The following NPC1 variants were observed in gnomAD, a reference collection of about 807,000 sequenced individuals.
NPC1 encodes NPC intracellular cholesterol transporter 1.
Under a neutral mutation model 140.4 loss-of-function variants are expected in NPC1, and 85 were observed. That is an observed-to-expected ratio of 0.61 (90% confidence interval 0.51 to 0.72). The LOEUF (loss-of-function observed/expected upper bound fraction) is 0.72, where lower values mean the gene tolerates loss of function less well. Ranked by LOEUF, NPC1 falls within the 30% of genes least tolerant of loss-of-function variation. The pLI is 0.00. For synonymous variants in NPC1, 656 were observed against 624.8 expected, an observed-to-expected ratio of 1.05 and a Z score of -0.74; for missense variants, 1,504 against 1,623.8, an observed-to-expected ratio of 0.93 and a Z score of 1.27.
chr18:23,529,375 TGTGATTAGAGTCACTTGAA>T (rs1343087279), downstream of NPC1: 6 of 1,532,948 alleles, frequency 3.9e-6, no homozygotes, highest in African/African-American at 2.7e-5. Context: ...GGAGACTTCA[TGTGATTAGAGTCACTTGAA>T]GTGATTAGAA....
chr18:23,574,349 T>C (rs1436885383), intron 1 of NPC1, among the ~76,000 whole-genome samples: 1 of 152,002 alleles, frequency 6.6e-6, no homozygotes, highest in Non-Finnish European at 1.5e-5. Context: ...AGGGCCCAGC[T>C]TGCCAGGGCC....
At position 23,571,653 on chromosome 18, in the gene NPC1, CAAA is replaced by C. The variant is rs10618426; in HGVS notation, c.287+418_287+420del. ...TCGGTGACAGAGCAAGAGTCTGTCT[CAAA>C]AAAAAAAAAAAATAAAGAAAAACAT... On this transcript the variant is annotated intron_variant, in intron 3 of 24. Transcript: ENST00000269228. Among the ~76,000 whole-genome samples the C allele has an allele frequency of 9.1e-3, 1,289 of 141,410 alleles. 17 individuals are homozygous for C. Among genetic ancestry groups the C allele is most frequent in the African/African-American group, 0.03 (1,175 of 38,870 alleles). 92.8% of individuals were successfully genotyped at this position (141,410 alleles called of 152,430 possible). A position where few individuals can be genotyped will look rare whatever the true frequency, so the allele number is the denominator to read the frequency against.
At chr18:23,534,749 TAC>T (rs1392136664) in intron 22 of NPC1, among the ~76,000 whole-genome samples, 190 bp from the exon 23 acceptor site, 1 of 152,152 alleles carries the variant, frequency 6.6e-6, no homozygotes, top group Non-Finnish European at 1.5e-5. Context: ...GGGCCCTCTC[TAC>T]ACACAGCCAA....
At chr18:23,516,211 A>G in intron 3 of NPC1, 1 of 1,402,098 alleles carries the variant, frequency 7.1e-7, no homozygotes, top group Non-Finnish European at 1.0e-6. Context: ...GACGGTGGAA[A>G]GGATCCAAAG....
intron 3 of NPC1, chr18:23,506,888 G>A (rs1027971311): frequency 2.1e-6 from 2 of 973,966 alleles, no homozygotes; most frequent in African/African-American, 3.3e-5. Flanking sequence ...CCTGAATATA[G>A]ATTGTGTCTT....
At chr18:23,569,629 G>A (rs1040877213) in intron 3 of NPC1, among the ~76,000 whole-genome samples, 1 of 152,158 alleles carries the variant, frequency 6.6e-6, no homozygotes. Flanking sequence ...TGACAGTTTT[G>A]ATTAAGAAGA....
chr18:23,541,317 T>C lies in NPC1; in HGVS notation c.2362A>G (p.Lys788Glu), dbSNP rs1212293586. The C allele has an allele frequency of 6.2e-7, 1 of 1,614,108 alleles. No homozygotes were observed. The highest frequency in any genetic ancestry group is 8.5e-7 in the Non-Finnish European group (1 of 1,180,048). ...CFVSLLGLDI[K>E]RQEKNRLDIF... ...TGGCACCAACTTACCTCTTGACGTT[T>C]AATGTCTAACCCCAAGAGACTCACG... Residue 788 changes from lysine to glutamate, a missense_variant, in exon 15 of 25, where the codon AAA becomes GAA. Transcript: ENST00000269228.
Position 23,531,890 on chromosome 18 carries a change from TAC to T in NPC1, c.*310_*311del. Reference sequence around the variant, plus strand: ...GACAGACAGTGCATTGATTGGCCTTTACAGAGTGTCAGTGAGCGGATCACATT... The same window carrying T: ...GACAGACAGTGCATTGATTGGCCTTTAGAGTGTCAGTGAGCGGATCACATT... On this transcript the variant is annotated 3_prime_UTR_variant, in exon 25 of 25. Transcript: ENST00000269228. 1 of 1,421,376 alleles carries T rather than the reference TAC, an allele frequency of 7.0e-7. No homozygotes were observed. The highest frequency in any genetic ancestry group is 9.2e-7 in the Non-Finnish European group (1 of 1,086,784). 88.0% of individuals were successfully genotyped at this position (1,421,376 alleles called of 1,614,324 possible).
At chr18:23,582,727 C>G (rs1319041506) in intron 1 of NPC1, among the ~76,000 whole-genome samples, 1 of 151,600 alleles carries the variant, frequency 6.6e-6, no homozygotes, top group African/African-American at 2.4e-5. Flanking sequence ...ATCACCTGAG[C>G]CCGGGAGGTC....
intron 1 of NPC1, among the ~76,000 whole-genome samples, chr18:23,523,125 C>T (rs373069657): frequency 5.3e-5 from 8 of 152,156 alleles, no homozygotes; most frequent in Admixed American, 1.3e-4. Context: ...GTCCAAAGCG[C>T]GAGTGCTCTT....
At chr18:23,535,836 A>G (rs2058621746) in intron 21 of NPC1, 136 bp from the exon 22 acceptor site, 2 of 714,180 alleles carry the variant, frequency 2.8e-6, no homozygotes, top group Non-Finnish European at 5.1e-6. Flanking sequence ...GCTGTCTACA[A>G]GACTCACCGA....
intron 13 of NPC1, 53 bp from the exon 14 acceptor site, chr18:23,543,622 G>T: frequency 9.9e-7 from 1 of 1,011,640 alleles, no homozygotes; most frequent in Non-Finnish European, 1.5e-6. Flanking sequence ...CAATAACAAC[G>T]CCATTTCTTG....
chr18:23,541,062 G>T lies in NPC1; in HGVS notation c.2514+6C>A. On this transcript the variant is annotated splice_donor_region_variant and intron_variant, in intron 16 of 24. Coordinates refer to ENST00000269228, the MANE Select transcript of NPC1 (RefSeq NM_000271.5). ...GGAAAGAGAAAAACCACAGATAAGC[G>T]CATACCACAATTGGTCTCATCCAGT... 1 of 1,613,976 alleles carries T rather than the reference G, an allele frequency of 6.2e-7. No homozygotes were observed. The highest frequency in any genetic ancestry group is 8.5e-7 in the Non-Finnish European group (1 of 1,179,952).
chr18:23,522,404 C>T (rs1289388472), exon 2 of NPC1: 1 of 152,232 alleles, frequency 6.6e-6, no homozygotes, highest in African/African-American at 2.4e-5. Context: ...CTGTGGGCCA[C>T]ATGTGGCCCA....
At chr18:23,541,948 C>G (rs894176572) in intron 14 of NPC1, among the ~76,000 whole-genome samples, 3 of 152,154 alleles carry the variant, frequency 2.0e-5, no homozygotes, top group African/African-American at 7.2e-5. Context: ...CTGTATCAAC[C>G]CATCTTAAGA....
At chr18:23,561,202 G>A (rs2059033365) in intron 5 of NPC1, among the ~76,000 whole-genome samples, 158 bp downstream of exon 5, 1 of 152,112 alleles carries the variant, frequency 6.6e-6, no homozygotes, top group African/African-American at 2.4e-5. Flanking sequence ...CATAGAGATG[G>A]GGCCTCACTA....
At chr18:23,547,650 G>A (rs990004102) in intron 11 of NPC1, among the ~76,000 whole-genome samples, 1 of 152,108 alleles carries the variant, frequency 6.6e-6, no homozygotes, top group African/African-American at 2.4e-5. Flanking sequence ...GCTGAGGTGG[G>A]AGGATCACTT....
chr18:23,526,788 GCT>G (rs2058310058), downstream of NPC1: 3 of 1,611,692 alleles, frequency 1.9e-6, no homozygotes, highest in South Asian at 3.3e-5. Flanking sequence ...CTTCCCCCTT[GCT>G]CTGATTCCAG....
intron 3 of NPC1, 124 bp from the exon 4 acceptor site, chr18:23,569,122 T>C: frequency 2.8e-6 from 2 of 715,042 alleles, no homozygotes; most frequent in Non-Finnish European, 4.7e-6. Flanking sequence ...AGAGAACATA[T>C]TAAAAACCAG....
Sources: allele counts gnomAD v4.1 joint callset (sites outside exome capture counted in the v4.1 genomes callset), GRCh38; gene constraint gnomAD v4.1.1; transcripts MANE v1.5; gene names NCBI Gene and HGNC (gene_info 2026-07-23, HGNC 2026-07-21).